Variants in MFAP1 observed in about 807,000 individuals in gnomAD.
MFAP1 encodes the protein microfibrillar-associated protein 1.
MFAP1 carries 18 observed loss-of-function variants against 62.2 expected under a neutral mutation model. The observed-to-expected ratio is 0.29, with a 90% CI of 0.20 to 0.43. MFAP1 has a LOEUF of 0.43. Among genes scored for constraint, MFAP1 ranks in the 20% least tolerant of loss-of-function variants. The probability of loss-of-function intolerance (pLI) is 1.00; values close to 1 mark genes in which losing one functional copy is unlikely to be tolerated. For synonymous variants in MFAP1, 175 were observed against 180.4 expected (o/e 0.97, Z 0.24); for missense variants, 355 against 559.7 (o/e 0.63, Z 3.69).
chr15:43,816,309 G>A (rs1476855894), intron 2 of MFAP1, among the ~76,000 whole-genome samples: 2 of 145,082 alleles, frequency 1.4e-5, no homozygotes, highest in Non-Finnish European at 3.0e-5. Context: ...GCAGTGGCGT[G>A]ATCTCGGCTC....
chr15:43,814,685 T>C lies in MFAP1; in HGVS notation c.433A>G (p.Ile145Val), dbSNP rs777681279. ...CGCATCATGCCACGCCGCCGCTCTA[T>C]TTCCTATCAAGTCATATATATAAGC... is the stretch of plus-strand genomic sequence containing the variant. The part of the protein sequence containing the change: ...EEEEEIDDEE[I>V]ERRRGMMRQR... The change falls in exon 4 of 9, where the codon ATA (isoleucine) becomes GTA (valine). Residue 145 changes from isoleucine (I) to valine (V), a missense_variant. Ile to Val is a conservative substitution (Grantham distance 29). Transcript: ENST00000267812. The C allele has an allele frequency of 5.0e-6, 8 of 1,613,788 alleles. No homozygotes were observed. Among genetic ancestry groups the C allele is most frequent in the Non-Finnish European group, 6.8e-6 (8 of 1,179,852 alleles).
chr15:43,810,930 TA>T (rs2087396637), intron 6 of MFAP1, among the ~76,000 whole-genome samples: 2 of 151,026 alleles, frequency 1.3e-5, no homozygotes, highest in Admixed American at 1.3e-4. Context: ...CTAATTTTTG[TA>T]TTTTTAGTAC....
At chr15:43,812,315 T>C (rs1414025576) in intron 6 of MFAP1, among the ~76,000 whole-genome samples, 1 of 151,984 alleles carries the variant, frequency 6.6e-6, no homozygotes, top group Admixed American at 6.6e-5. Context: ...TCTGCAGAGG[T>C]GGAGTCTGTT....
At chr15:43,816,104 T>C (rs994232102) in intron 2 of MFAP1, among the ~76,000 whole-genome samples, 2 of 152,130 alleles carry the variant, frequency 1.3e-5, no homozygotes, top group Non-Finnish European at 1.5e-5. Flanking sequence ...CATGAAAAAG[T>C]GACAGTGCTG....
chr15:43,815,188 T>C lies in MFAP1; in HGVS notation c.300-114A>G, dbSNP rs917337538. 25 of 1,397,228 alleles carry C rather than the reference T, an allele frequency of 1.8e-5. No homozygotes were observed. In the Admixed American group the frequency reaches 4.9e-4, roughly 27 times the overall value. 86.6% of individuals were successfully genotyped at this position (1,397,228 alleles called of 1,614,324 possible). On this transcript the variant is annotated intron_variant, in intron 2 of 8. Transcript: ENST00000267812. ...TTTGCCTTCATTAATACTGAAGTTT[T>C]TTTTTTTTTGAGGCAGGGTCTTGCT... is the stretch of plus-strand genomic sequence containing the variant.
rs746455594 is a variant in MFAP1, at chr15:43,812,998, T to G, written c.876A>C (p.Glu292Asp). 1 of 1,614,030 alleles carries G rather than the reference T, an allele frequency of 6.2e-7. No homozygotes were observed. The highest frequency in any genetic ancestry group is 8.5e-7 in the Non-Finnish European group (1 of 1,180,000). Residue 292 changes from glutamate (E) to aspartate (D), a missense_variant, in exon 6 of 9, where the codon GAA becomes GAC. Physicochemically the swap from Glu to Asp is conservative, Grantham distance 45. This residue lies in a region of MFAP1 where 257 missense variants were observed against 341.3 expected (regional missense o/e 0.75). Transcript: ENST00000267812. ...RELKRIKRDR[E>D]DREALEKEKA... Reference sequence around the variant, plus strand: ...ATCTTTTTACTCACGCTTCTCGATCTTCTCTGTCCCTCTTGATTCTTTTTA... The same window carrying G: ...ATCTTTTTACTCACGCTTCTCGATCGTCTCTGTCCCTCTTGATTCTTTTTA...
Position 43,804,783 on chromosome 15 carries a change from G to C in MFAP1, c.*311C>G, listed in dbSNP as rs2087351064. On this transcript the variant is annotated 3_prime_UTR_variant, in exon 9 of 9. Coordinates refer to ENST00000267812, the MANE Select transcript of MFAP1 (RefSeq NM_005926.3). ...CTTTTCTAACCCAAGCTAAGGGCTG[G>C]AAAAAGAAAGTCAGAACAGTCCCAA... 1 of 244,044 alleles carries C rather than the reference G, an allele frequency of 4.1e-6. No individual in the cohort carries two copies. The highest frequency in any genetic ancestry group is 7.8e-6 in the Non-Finnish European group (1 of 128,844). The allele number at this position is 244,044 out of a possible 1,614,324, so 15.1% of individuals were successfully genotyped here. A position where few individuals can be genotyped will look rare whatever the true frequency, so the allele number is the denominator to read the frequency against.
At chr15:43,809,196 G>C (rs909745995) in intron 7 of MFAP1, among the ~76,000 whole-genome samples, 4 of 152,174 alleles carry the variant, frequency 2.6e-5, no homozygotes, top group African/African-American at 9.6e-5. Flanking sequence ...ATTTATCTAA[G>C]GCTGGGGATG....
intron 7 of MFAP1, among the ~76,000 whole-genome samples, chr15:43,808,244 C>T (rs2087377815): frequency 6.6e-6 from 1 of 152,210 alleles, no homozygotes; most frequent in South Asian, 2.1e-4. Context: ...CTTGGTCAGC[C>T]ACCCAGGCTG....
At chr15:43,812,837 C>T in intron 6 of MFAP1, 150 bp downstream of exon 6, 2 of 944,014 alleles carry the variant, frequency 2.1e-6, no homozygotes, top group African/African-American at 3.3e-5. Flanking sequence ...GCAAGTGAAA[C>T]TCATATTCCA....
chr15:43,806,333 A>G (rs1455642716), intron 7 of MFAP1, among the ~76,000 whole-genome samples: 1 of 152,162 alleles, frequency 6.6e-6, no homozygotes, highest in Non-Finnish European at 1.5e-5. Flanking sequence ...TAACCTTTCC[A>G]TATCAACCTC....
At chr15:43,821,951 G>A (rs997840598) in intron 1 of MFAP1, among the ~76,000 whole-genome samples, 3 of 151,910 alleles carry the variant, frequency 2.0e-5, no homozygotes, top group African/African-American at 7.3e-5. Context: ...GTGTGTAAGA[G>A]AAGACTCCAT....
At chr15:43,805,897 C>G (rs1180411705) in intron 7 of MFAP1, among the ~76,000 whole-genome samples, 1 of 152,052 alleles carries the variant, frequency 6.6e-6, no homozygotes, top group Non-Finnish European at 1.5e-5. Context: ...CAGGTGTGAA[C>G]CACTGCGCCC....
At position 43,817,340 on chromosome 15, in the gene MFAP1, A is replaced by T. The variant is rs2087439973; in HGVS notation, c.188T>A (p.Ile63Asn). 1 of 1,613,968 alleles carries T rather than the reference A, an allele frequency of 6.2e-7. No homozygotes were observed. Among genetic ancestry groups the T allele is most frequent in the Admixed American group, 1.7e-5 (1 of 59,984 alleles). ...SDEEDEEFQF[I>N]KKAKEQEAEP... ...TGCTTCTTGTTCTTTGGCTTTCTTA[A>T]TGAACTGAAATTCTTCATCCTCCTC... is the stretch of plus-strand genomic sequence containing the variant. Residue 63 changes from isoleucine (I) to asparagine (N), a missense_variant, in exon 2 of 9, where the codon ATT becomes AAT. Physicochemically the swap from Ile to Asn is moderately radical, Grantham distance 149. Coordinates refer to ENST00000267812, the MANE Select transcript of MFAP1 (RefSeq NM_005926.3).
chr15:43,816,153 A>G (rs1001343873), intron 2 of MFAP1, among the ~76,000 whole-genome samples: 10 of 152,216 alleles, frequency 6.6e-5, no homozygotes, highest in Admixed American at 1.3e-4. Flanking sequence ...CCAACAGGCA[A>G]ACAAATTCCA....
At chr15:43,807,573 C>T (rs2141704723) in intron 7 of MFAP1, among the ~76,000 whole-genome samples, 1 of 151,830 alleles carries the variant, frequency 6.6e-6, no homozygotes, top group Non-Finnish European at 1.5e-5. Flanking sequence ...TGGTCTCAAT[C>T]TCCTGACCTC....
rs776902073 is a variant in MFAP1, at chr15:43,815,067, G to T, written c.307C>A (p.Arg103=). 2 of 1,613,584 alleles carry T rather than the reference G, an allele frequency of 1.2e-6. No individual in the cohort carries two copies. Among genetic ancestry groups the T allele is most frequent in the African/African-American group, 1.3e-5 (1 of 74,808 alleles). ...ISEDVEERLA[R]HRKIVEPEVV... ...TCAGGTTCCACTATTTTTCGATGTC[G>T]AGCCAATCTGAAAAACAGTATCTCC... Residue 103 remains arginine, a synonymous_variant, in exon 3 of 9, where the codon CGA becomes AGA. Transcript: ENST00000267812.
intron 1 of MFAP1, among the ~76,000 whole-genome samples, chr15:43,817,675 C>A (rs527722472): frequency 6.6e-6 from 1 of 152,242 alleles, no homozygotes; most frequent in South Asian, 2.1e-4. Flanking sequence ...ATGAGGCTTA[C>A]CTTGAGTACA....
chr15:43,824,460 T>C, intron 1 of MFAP1, 31 bp downstream of exon 1: 1 of 1,612,172 alleles, frequency 6.2e-7, no homozygotes, highest in Non-Finnish European at 8.5e-7. Flanking sequence ...GGGGTTAAAA[T>C]TCGACTGGGA....
Sources: gnomAD v4.1 joint callset for allele counts (sites outside exome capture counted in the v4.1 genomes callset) on GRCh38, gnomAD v4.1.1 for gene constraint, gnomAD v4.1.1 regional missense constraint, MANE v1.5 for transcripts, NCBI Gene and HGNC (gene_info 2026-07-23, HGNC 2026-07-21) for gene names.